CCDC88C: variants seen among roughly 807,000 people sequenced by gnomAD.
The protein encoded by CCDC88C is coiled-coil and HOOK domain protein 88C, also known as protein Daple.
Under a neutral mutation model 198.8 loss-of-function variants are expected in CCDC88C, and 131 were observed. The ratio of observed to expected loss-of-function variants is 0.66; its 90% confidence interval spans 0.57 to 0.76. CCDC88C has a LOEUF of 0.76. CCDC88C is among the 30% of genes least tolerant of loss of function. The pLI, the probability that CCDC88C is intolerant of heterozygous loss-of-function variation, is 0.00. For missense variants in CCDC88C, 2,553 were observed against 2,631.6 expected, an observed-to-expected ratio of 0.97 and a Z score of 0.65; for synonymous variants, 1,166 against 1,114.7, an observed-to-expected ratio of 1.05 and a Z score of -0.92.
intron 4 of CCDC88C, among the ~76,000 whole-genome samples, chr14:91,351,127 C>T (rs751604899): frequency 7.9e-5 from 12 of 152,268 alleles, no homozygotes; most frequent in Admixed American, 3.3e-4. Context: ...GGGTTAGAAC[C>T]GCAAAGAGAG....
At chr14:91,306,062 G>T in intron 18 of CCDC88C, 136 bp from the exon 19 acceptor site, 1 of 771,912 alleles carries the variant, frequency 1.3e-6, no homozygotes, top group Non-Finnish European at 2.1e-6. Context: ...GATGAGGTCA[G>T]TATATTTTCT....
intron 25 of CCDC88C, chr14:91,285,459 G>A (rs1365801297): frequency 4.3e-6 from 2 of 463,484 alleles, no homozygotes; most frequent in Non-Finnish European, 8.3e-6. Context: ...CTAAAACTGT[G>A]TTGTGCTGAA....
intron 3 of CCDC88C, among the ~76,000 whole-genome samples, chr14:91,374,477 T>G (rs1239827348): frequency 6.6e-6 from 1 of 152,148 alleles, no homozygotes; most frequent in Non-Finnish European, 1.5e-5. Context: ...ACAGAAAACA[T>G]AGCTCTTACA....
intron 21 of CCDC88C, among the ~76,000 whole-genome samples, chr14:91,299,413 C>T (rs537647292): frequency 6.6e-6 from 1 of 152,328 alleles, no homozygotes; most frequent in African/African-American, 2.4e-5. Context: ...GCAGTAGGAG[C>T]TGAAACAAGA....
intron 10 of CCDC88C, among the ~76,000 whole-genome samples, chr14:91,334,180 A>G (rs1892953029): frequency 6.6e-6 from 1 of 152,222 alleles, no homozygotes; most frequent in African/African-American, 2.4e-5. Context: ...CTGCATAAAC[A>G]TACCTCGTAC....
chr14:91,379,852 G>A (rs1336629792), intron 3 of CCDC88C: 9 of 702,976 alleles, frequency 1.3e-5, no homozygotes, highest in East Asian at 8.0e-5. Flanking sequence ...GTGTCTGCCC[G>A]CAAGAAGTTT....
chr14:91,380,353 T>A (rs1229817442), intron 3 of CCDC88C, among the ~76,000 whole-genome samples: 1 of 152,036 alleles, frequency 6.6e-6, no homozygotes, highest in African/African-American at 2.4e-5. Context: ...GGTGTAGGAG[T>A]CAGGCCCGCA....
At chr14:91,374,829 TG>T (rs1276579121) in intron 3 of CCDC88C, among the ~76,000 whole-genome samples, 1 of 152,124 alleles carries the variant, frequency 6.6e-6, no homozygotes, top group Non-Finnish European at 1.5e-5. Context: ...CACAGATGAC[TG>T]GTAGTGGTTA....
intron 10 of CCDC88C, among the ~76,000 whole-genome samples, chr14:91,335,812 G>A (rs776582190): frequency 2.0e-5 from 3 of 152,212 alleles, no homozygotes; most frequent in Non-Finnish European, 4.4e-5. Flanking sequence ...GACTGAAGAC[G>A]GTTTGCTAGG....
At chr14:91,370,831 TATCC>T (rs1286744217) in intron 3 of CCDC88C, among the ~76,000 whole-genome samples, 6 of 152,172 alleles carry the variant, frequency 3.9e-5, no homozygotes, top group African/African-American at 1.4e-4. Flanking sequence ...CCATCAAGAT[TATCC>T]ATAGAGTCAG....
intron 25 of CCDC88C, 169 bp from the exon 26 acceptor site, chr14:91,283,686 TG>T (rs2062519178): frequency 3.1e-6 from 2 of 647,898 alleles, no homozygotes; most frequent in Non-Finnish European, 5.2e-6. Flanking sequence ...GCGGGGCAGG[TG>T]GGGGCAAGAG....
Position 91,339,886 on chromosome 14 carries a change from C to T in CCDC88C, c.622G>A (p.Glu208Lys), listed in dbSNP as rs1232245530. The T allele has an allele frequency of 9.5e-6, 15 of 1,583,604 alleles. No individual in the cohort carries two copies. The East Asian group carries it at 1.2e-4, about 12-fold the overall frequency. The change falls in exon 7 of 30, where the codon GAG becomes AAG. Residue 208 changes from glutamate (E) to lysine (K), a missense_variant and splice_region_variant. Glu to Lys is a moderately conservative substitution (Grantham distance 56). Coordinates refer to ENST00000389857, the MANE Select transcript of CCDC88C (RefSeq NM_001080414.4). The surrounding 1 kb of genome is among the most constrained non-coding windows in gnomAD (Gnocchi z 5.8). ...RLIDQRDECT[E>K]LIVDLTQERD... ...GGGCCACCGACCCGCGGACGCACCT[C>T]GGTGCACTCGTCCCGCTGGTCGATG...
chr14:91,315,846 T>C lies in CCDC88C; in HGVS notation c.1528-59A>G. 2.6e-6 allele frequency: 4 copies of C among 1,566,128 alleles called. No homozygotes were observed. The Admixed American group carries it at 5.7e-5, about 22-fold the overall frequency. On this transcript the variant is annotated intron_variant, in intron 13 of 29. Coordinates refer to ENST00000389857, the MANE Select transcript of CCDC88C (RefSeq NM_001080414.4). ...ATCAGTCCTACGAAGTGAACCATGA[T>C]TTAAAACAAAACAGAAACCACCCCA...
chr14:91,339,154 C>A lies in CCDC88C; in HGVS notation c.809+124G>T. 8.4e-7 allele frequency: 1 copy of A among 1,195,044 alleles called. No homozygotes were observed. Among genetic ancestry groups the A allele is most frequent in the Admixed American group, 2.0e-5 (1 of 50,620 alleles). The allele number at this position is 1,195,044 out of a possible 1,614,324, so 74.0% of individuals were successfully genotyped here. A position where few individuals can be genotyped will look rare whatever the true frequency, so the allele number is the denominator to read the frequency against. On this transcript the variant is annotated intron_variant, in intron 8 of 29. Transcript: ENST00000389857. This position sits in a 1 kb window ranked among gnomAD's most constrained non-coding sequence, Gnocchi z 5.8. ...GTCAAAGAGTAAGCTCAGGGCAGAC[C>A]CCAGCTGACTCCGGGGCACACGTCA...
In CCDC88C at chr14:91,301,739, A is replaced by G. The variant is rs1332422380; in HGVS notation, c.3636-1669T>C. ...CTCAAAATAAAGAAAGAAGGAAAGA[A>G]TACAATACAGCATTATTTAATACGA... On this transcript the variant is annotated intron_variant, in intron 20 of 29. Coordinates refer to ENST00000389857, the MANE Select transcript of CCDC88C (RefSeq NM_001080414.4). Among the ~76,000 whole-genome samples, 3 of 152,234 alleles carry G rather than the reference A, an allele frequency of 2.0e-5. No individual in the cohort carries two copies. In the East Asian group the frequency reaches 5.8e-4, roughly 29 times the overall value.
At chr14:91,385,454 G>C (rs1388670921) in intron 3 of CCDC88C, among the ~76,000 whole-genome samples, 1 of 152,122 alleles carries the variant, frequency 6.6e-6, no homozygotes. Context: ...GTTCCCAGGA[G>C]GAGGAGCTAA....
intron 25 of CCDC88C, among the ~76,000 whole-genome samples, chr14:91,287,813 A>G (rs1369937898): frequency 1.3e-5 from 2 of 152,120 alleles, no homozygotes; most frequent in Non-Finnish European, 2.9e-5. Flanking sequence ...CTGGGTCTTC[A>G]GAAAGTCCTA....
Position 91,273,524 on chromosome 14 carries a change from C to A in CCDC88C, c.5188G>T (p.Ala1730Ser). 1 of 1,531,940 alleles carries A rather than the reference C, an allele frequency of 6.5e-7. No individual in the cohort carries two copies. The highest frequency in any genetic ancestry group is 2.3e-5 in the East Asian group (1 of 43,206). 94.9% of individuals were successfully genotyped at this position (1,531,940 alleles called of 1,614,324 possible). ...GGGGCGGCCATTTTGACGGTGGGGG[C>A]CACAAAGTTGGTGGGCATCTTGGCC... ...EGAKMPTNFVAPTVKMAAPTS... is the reference protein window; with the variant it reads ...EGAKMPTNFVSPTVKMAAPTS... Residue 1730 changes from alanine to serine, a missense_variant, in exon 30 of 30, where the codon GCC (alanine) becomes TCC (serine). This residue lies in a region of CCDC88C where 1,293 missense variants were observed against 1,219.6 expected (regional missense o/e 1.06). Coordinates refer to ENST00000389857, the MANE Select transcript of CCDC88C (RefSeq NM_001080414.4). The surrounding 1 kb of genome is among the most constrained non-coding windows in gnomAD (Gnocchi z 5.6).
At chr14:91,360,752 G>C in intron 3 of CCDC88C, among the ~76,000 whole-genome samples, 1 of 152,170 alleles carries the variant, frequency 6.6e-6, no homozygotes. Context: ...TCAGCGTGCC[G>C]GCTCACAGCC....
Sources: allele counts gnomAD v4.1 joint callset (sites outside exome capture counted in the v4.1 genomes callset), GRCh38; gene constraint gnomAD v4.1.1; regional missense constraint gnomAD v4.1.1; non-coding constraint Gnocchi (gnomAD v3.1); transcripts MANE v1.5; gene names NCBI Gene and HGNC (gene_info 2026-07-23, HGNC 2026-07-21).